The following SHISA9 variants were observed in gnomAD, a reference collection of about 807,000 sequenced individuals.
The protein encoded by SHISA9 is shisa family member 9.
Under a neutral mutation model 38.0 loss-of-function variants are expected in SHISA9, and 13 were observed. The observed-to-expected ratio is 0.34, with a 90% CI of 0.22 to 0.54. The LOEUF is 0.54. SHISA9 is among the 20% of genes least tolerant of loss of function. The pLI is 0.91. For synonymous variants in SHISA9, 275 were observed against 242.0 expected (o/e 1.14, Z -1.27); for missense variants, 538 against 575.8 (o/e 0.93, Z 0.67).
chr16:13,218,705 A>T (rs911249997), intron 4 of SHISA9, among the ~76,000 whole-genome samples: 6 of 152,180 alleles, frequency 3.9e-5, no homozygotes, highest in African/African-American at 1.4e-4. Context: ...AAAATCGCTA[A>T]ACCAGTGTCT....
chr16:13,349,633 A>T, the SHISA9 span, among the ~76,000 whole-genome samples: 1 of 152,172 alleles, frequency 6.6e-6, no homozygotes, highest in Non-Finnish European at 1.5e-5. Context: ...ATCTTTCCAC[A>T]TTTTACCATT....
chr16:13,447,371 C>G, the SHISA9 span, among the ~76,000 whole-genome samples: 1 of 152,170 alleles, frequency 6.6e-6, no homozygotes, highest in Non-Finnish European at 1.5e-5. Flanking sequence ...CATAGTGTTC[C>G]AAGGAGGTGG....
At chr16:13,020,614 G>T (rs772215453) in intron 2 of SHISA9, among the ~76,000 whole-genome samples, 3 of 152,090 alleles carry the variant, frequency 2.0e-5, no homozygotes, top group South Asian at 2.1e-4. Flanking sequence ...TGGAGTCAAG[G>T]CTTCAGCATA....
rs144428576 is a variant in SHISA9, at chr16:13,226,076, A to G, written c.896-8954A>G. Among the ~76,000 whole-genome samples the G allele has an allele frequency of 4.3e-4, 66 of 152,254 alleles. 1 individual carries two copies. The highest frequency in any genetic ancestry group is 6.8e-3 in the Middle Eastern group (2 of 294). On this transcript the variant is annotated intron_variant, in intron 4 of 4. Coordinates refer to ENST00000558583, the MANE Select transcript of SHISA9 (RefSeq NM_001145204.3). ...ATGGGGCTTACAAGACTGTTCAATGAATCTGTTATTCTTTTGCAAGTAGCT... is the reference window on the plus strand; with the variant it reads ...ATGGGGCTTACAAGACTGTTCAATGGATCTGTTATTCTTTTGCAAGTAGCT...
chr16:13,453,689 T>C, the SHISA9 span, among the ~76,000 whole-genome samples: 1 of 152,226 alleles, frequency 6.6e-6, no homozygotes, highest in South Asian at 2.1e-4. Flanking sequence ...TAAAACATAA[T>C]AAATGGTTGT....
At chr16:13,316,689 C>T in the SHISA9 span, among the ~76,000 whole-genome samples, 3 of 152,142 alleles carry the variant, frequency 2.0e-5, no homozygotes, top group African/African-American at 7.2e-5. Context: ...AGTCACATTC[C>T]AATTCCAGAG....
chr16:13,034,122 G>A (rs1258807743), intron 2 of SHISA9, among the ~76,000 whole-genome samples: 1 of 148,770 alleles, frequency 6.7e-6, no homozygotes. Context: ...TCCAGCCTGG[G>A]TGACAAGAAT....
the SHISA9 span, among the ~76,000 whole-genome samples, chr16:13,461,351 G>A: frequency 6.6e-6 from 1 of 152,042 alleles, no homozygotes; most frequent in Non-Finnish European, 1.5e-5. Context: ...AGGCCAAGGC[G>A]GGTGGATCAC....
chr16:13,174,510 G>A (rs767660275), intron 2 of SHISA9, among the ~76,000 whole-genome samples: 2 of 152,214 alleles, frequency 1.3e-5, no homozygotes, highest in East Asian at 3.8e-4. Context: ...ATTAAGGCAG[G>A]CAAACTGGAG....
chr16:13,424,151 A>G, the SHISA9 span, among the ~76,000 whole-genome samples: 2 of 152,210 alleles, frequency 1.3e-5, no homozygotes, highest in South Asian at 4.1e-4. Context: ...GGAATTGTGG[A>G]GGGTCTCTTA....
the SHISA9 span, among the ~76,000 whole-genome samples, chr16:13,374,094 T>C: frequency 6.6e-6 from 1 of 152,196 alleles, no homozygotes; most frequent in Non-Finnish European, 1.5e-5. Context: ...CAAGTAACTC[T>C]CATCACGTTG....
the SHISA9 span, among the ~76,000 whole-genome samples, chr16:13,390,023 G>A: frequency 6.6e-6 from 1 of 152,162 alleles, no homozygotes; most frequent in Non-Finnish European, 1.5e-5. Context: ...CAACTGACAA[G>A]TGCAAAATAT....
In SHISA9 at chr16:13,037,099, C is replaced by CACAGACAGACAG. The variant is rs1567190790; in HGVS notation, c.691+120287_691+120288insGACAGACAGACA. ...ACACACACACCACACCACACACACA[C>CACAGACAGACAG]ACACACACAGACACACACACACACA... On this transcript the variant is annotated intron_variant, in intron 2 of 4. Transcript: ENST00000558583. Among the ~76,000 whole-genome samples the CACAGACAGACAG allele has an allele frequency of 1.8e-4, 13 of 71,794 alleles. 1 individual carries two copies. Among genetic ancestry groups the CACAGACAGACAG allele is most frequent in the African/African-American group, 7.4e-4 (12 of 16,122 alleles). The allele number at this position is 71,794 out of a possible 152,430, so 47.1% of individuals were successfully genotyped here.
At chr16:13,119,946 A>G (rs1234493593) in intron 2 of SHISA9, among the ~76,000 whole-genome samples, 1 of 152,060 alleles carries the variant, frequency 6.6e-6, no homozygotes, top group Admixed American at 6.6e-5. Context: ...GGAGTGGTGG[A>G]TGATCTCGGA....
intron 2 of SHISA9, among the ~76,000 whole-genome samples, chr16:13,088,758 A>G (rs139402451): frequency 0.055 from 8,404 of 152,334 alleles, 367 homozygotes; most frequent in Admixed American, 0.14. Context: ...ATCTGCAAAC[A>G]GGGACAATTT....
intron 2 of SHISA9, among the ~76,000 whole-genome samples, chr16:13,002,624 C>G (rs1048909821): frequency 6.6e-6 from 1 of 151,146 alleles, no homozygotes; most frequent in African/African-American, 2.4e-5. Flanking sequence ...CCTCCACCCC[C>G]TGGGCTCAAG....
rs1238460396 is a variant in SHISA9 at position 13,019,928 on chromosome 16, T to C, written c.691+103113T>C. ...CTTTCTTTCTTTCTTTCTTTCTTTC[T>C]TTCTTTCTTTCTTTCTTTCTTTCTT... On this transcript the variant is annotated intron_variant, in intron 2 of 4. Coordinates refer to ENST00000558583, the MANE Select transcript of SHISA9 (RefSeq NM_001145204.3). 4.0e-3 allele frequency among the ~76,000 whole-genome samples: 357 copies of C among 89,090 alleles called. 9 individuals carry two copies. Among genetic ancestry groups the C allele is most frequent in the Middle Eastern group, 0.023 (4 of 176 alleles). 58.4% of individuals were successfully genotyped at this position (89,090 alleles called of 152,430 possible). A position where few individuals can be genotyped will look rare whatever the true frequency, so the allele number is the denominator to read the frequency against.
At chr16:13,044,258 C>G (rs1040946848) in intron 2 of SHISA9, among the ~76,000 whole-genome samples, 2 of 152,190 alleles carry the variant, frequency 1.3e-5, no homozygotes, top group African/African-American at 4.8e-5. Context: ...TTTCCCAATA[C>G]ATGAATGGCA....
the SHISA9 span, among the ~76,000 whole-genome samples, chr16:13,550,444 G>A: frequency 6.6e-6 from 1 of 152,166 alleles, no homozygotes; most frequent in Non-Finnish European, 1.5e-5. Context: ...CCAGCAAAAT[G>A]TCCTCGTCAT....
Sources: gnomAD v4.1 joint callset for allele counts (sites outside exome capture counted in the v4.1 genomes callset) on GRCh38, gnomAD v4.1.1 for gene constraint, MANE v1.5 for transcripts, NCBI Gene and HGNC (gene_info 2026-07-23, HGNC 2026-07-21) for gene names.